DPP6: variants seen among roughly 807,000 people sequenced by gnomAD.
The protein encoded by DPP6 is A-type potassium channel modulatory protein DPP6.
A neutral mutation model predicts 122.6 loss-of-function variants in DPP6; 69 were observed. The ratio of observed to expected loss-of-function variants is 0.56; its 90% CI spans 0.46 to 0.69. The LOEUF (loss-of-function observed/expected upper bound fraction) is 0.69. Among genes scored for constraint, DPP6 ranks in the 30% least tolerant of loss-of-function variants. The pLI is 0.00. For synonymous variants in DPP6, 418 were observed against 433.1 expected (o/e 0.97, Z 0.43); for missense variants, 928 against 1,116.9 (o/e 0.83, Z 2.41).
intron 1 of DPP6, among the ~76,000 whole-genome samples, chr7:154,073,879 G>A (rs1373186461): frequency 2.1e-4 from 31 of 151,182 alleles, no homozygotes; most frequent in Admixed American, 3.3e-4. Flanking sequence ...CCAGCTACTC[G>A]GGAGGCTGAG....
chr7:154,679,845 T>C (rs558760230), intron 7 of DPP6, among the ~76,000 whole-genome samples: 2 of 152,262 alleles, frequency 1.3e-5, no homozygotes, highest in South Asian at 4.2e-4. Context: ...CCTCAGATAA[T>C]GGATGGAGAC....
chr7:154,313,748 C>CAT lies in DPP6; in HGVS notation c.244-132465_244-132464insTA, dbSNP rs1191623123. ...ACGCACGCACACACACACACACACA[C>CAT]ACACCCTTACATATATATGTAGTAC... is the stretch of plus-strand genomic sequence containing the variant. On this transcript the variant is annotated intron_variant, in intron 1 of 25. Coordinates refer to ENST00000377770, the MANE Select transcript of DPP6 (RefSeq NM_130797.4). Among the ~76,000 whole-genome samples the CAT allele has an allele frequency of 8.9e-3, 1,017 of 114,534 alleles. 162 individuals are homozygous for CAT. Among genetic ancestry groups the CAT allele is most frequent in the African/African-American group, 0.033 (975 of 29,930 alleles). The allele number at this position is 114,534 out of a possible 152,430, so 75.1% of individuals were successfully genotyped here. A position where few individuals can be genotyped will look rare whatever the true frequency, so the allele number is the denominator to read the frequency against.
At chr7:153,970,733 A>G (rs1795978969) in intron 1 of DPP6, among the ~76,000 whole-genome samples, 1 of 152,168 alleles carries the variant, frequency 6.6e-6, no homozygotes, top group African/African-American at 2.4e-5. Context: ...TGTTCATGTT[A>G]TGTTGAAATG....
chr7:154,267,032 T>C (rs1803467115), intron 1 of DPP6, among the ~76,000 whole-genome samples: 2 of 152,254 alleles, frequency 1.3e-5, no homozygotes, highest in South Asian at 4.1e-4. Context: ...AGATTTCTTT[T>C]ATATACTTAA....
chr7:154,329,704 T>A (rs1342901181), intron 1 of DPP6, among the ~76,000 whole-genome samples: 1 of 152,188 alleles, frequency 6.6e-6, no homozygotes, highest in Non-Finnish European at 1.5e-5. Context: ...GGATTATAAA[T>A]CATTCTATAA....
intron 1 of DPP6, among the ~76,000 whole-genome samples, chr7:154,061,122 A>G: frequency 6.7e-6 from 1 of 148,364 alleles, no homozygotes; most frequent in Non-Finnish European, 1.5e-5. Context: ...ACCGGAAATT[A>G]AGGGCAGAAG....
Position 154,807,045 on chromosome 7 carries a change from TG to T in DPP6, c.1600del (p.Glu534ArgfsTer29), listed in dbSNP as rs1420617021. The T allele has an allele frequency of 6.2e-7, 1 of 1,613,772 alleles. No homozygotes were observed. Among genetic ancestry groups the T allele is most frequent in the African/African-American group, 1.3e-5 (1 of 74,956 alleles). ...NRQCLSCDLVENCTYFSASFS... is the reference protein window; with the variant it reads ...NRQCLSCDLVXNCTYFSASFS... ...GGCAGTGCCTCTCCTGTGACCTGGTTGAGAACTGCACCTACTTCAGCGCTTC... is the reference window on the plus strand; with the variant it reads ...GGCAGTGCCTCTCCTGTGACCTGGTTAGAACTGCACCTACTTCAGCGCTTC... On this transcript the variant is annotated frameshift_variant, in exon 16 of 26. Coordinates refer to ENST00000377770, the MANE Select transcript of DPP6 (RefSeq NM_130797.4). LOFTEE classifies it high-confidence loss of function.
At chr7:154,408,530 T>G (rs1816312571) in intron 1 of DPP6, among the ~76,000 whole-genome samples, 1 of 152,190 alleles carries the variant, frequency 6.6e-6, no homozygotes, top group South Asian at 2.1e-4. Flanking sequence ...TATTTACCCC[T>G]TACACAATTT....
chr7:154,455,533 G>A (rs1236999240), intron 2 of DPP6, among the ~76,000 whole-genome samples: 1 of 152,162 alleles, frequency 6.6e-6, no homozygotes, highest in Non-Finnish European at 1.5e-5. Context: ...GATTCTCATA[G>A]AAGAAATAAT....
At chr7:154,426,751 C>T (rs1015842863) in intron 1 of DPP6, among the ~76,000 whole-genome samples, 4 of 145,592 alleles carry the variant, frequency 2.7e-5, no homozygotes, top group Non-Finnish European at 4.5e-5. Flanking sequence ...CATAGCAAAC[C>T]ATGAGATGAT....
chr7:154,869,993 T>C (rs1410927673), intron 18 of DPP6, among the ~76,000 whole-genome samples: 1 of 151,884 alleles, frequency 6.6e-6, no homozygotes, highest in East Asian at 1.9e-4. Flanking sequence ...TGTGTGTCTG[T>C]GTGTGAGACA....
At chr7:153,849,808 C>CA in the DPP6 span, among the ~76,000 whole-genome samples, 1 of 152,122 alleles carries the variant, frequency 6.6e-6, no homozygotes, top group African/African-American at 2.4e-5. Flanking sequence ...GCAAACCTAT[C>CA]TTCTTTTTGT....
intron 1 of DPP6, among the ~76,000 whole-genome samples, chr7:154,434,977 C>T (rs572470178): frequency 6.6e-6 from 1 of 152,276 alleles, no homozygotes; most frequent in East Asian, 1.9e-4. Context: ...GCTGGGATTA[C>T]AGGCACACGC....
At chr7:154,085,133 T>G (rs1369499179) in intron 1 of DPP6, among the ~76,000 whole-genome samples, 2 of 152,120 alleles carry the variant, frequency 1.3e-5, no homozygotes, top group Non-Finnish European at 2.9e-5. Flanking sequence ...AAAAAGAGCT[T>G]CTTTAAAGAC....
intron 1 of DPP6, among the ~76,000 whole-genome samples, chr7:154,064,125 C>T (rs1487761385): frequency 1.3e-5 from 2 of 152,142 alleles, no homozygotes; most frequent in African/African-American, 2.4e-5. Context: ...AGCCCTGCTG[C>T]AGGGAGGGGA....
chr7:153,775,136 C>A, the DPP6 span, among the ~76,000 whole-genome samples: 1 of 145,342 alleles, frequency 6.9e-6, no homozygotes, highest in Non-Finnish European at 1.5e-5. Context: ...AACAAACACA[C>A]ACATATTCTC....
At chr7:154,394,715 T>C (rs1814934008) in intron 1 of DPP6, among the ~76,000 whole-genome samples, 1 of 152,202 alleles carries the variant, frequency 6.6e-6, no homozygotes, top group African/African-American at 2.4e-5. Flanking sequence ...AAGAGTTTCA[T>C]AGTTTTAGAT....
Position 154,623,649 on chromosome 7 carries a change from A to C in DPP6, c.628-14172A>C, listed in dbSNP as rs373451157. Among the ~76,000 whole-genome samples the C allele has an allele frequency of 7.8e-3, 354 of 45,228 alleles. 4 individuals are homozygous for C. The highest frequency in any genetic ancestry group is 0.032 in the South Asian group (43 of 1,356). 29.7% of individuals were successfully genotyped at this position (45,228 alleles called of 152,430 possible). A position where few individuals can be genotyped will look rare whatever the true frequency, so the allele number is the denominator to read the frequency against. On this transcript the variant is annotated intron_variant, in intron 5 of 25. Transcript: ENST00000377770. ...CACACATGCGTGCACACACGCGCAC[A>C]CACGCGCACACACACGCACACACAC...
At chr7:154,809,129 G>A (rs978635627) in intron 16 of DPP6, among the ~76,000 whole-genome samples, 4 of 152,144 alleles carry the variant, frequency 2.6e-5, no homozygotes, top group African/African-American at 9.7e-5. Context: ...ATGGAAAGAA[G>A]TCAAAATAAT....
Sources: gnomAD v4.1 joint callset for allele counts (sites outside exome capture counted in the v4.1 genomes callset) on GRCh38, gnomAD v4.1.1 for gene constraint, MANE v1.5 for transcripts, NCBI Gene and HGNC (gene_info 2026-07-23, HGNC 2026-07-21) for gene names.